ROBO1: variants seen among roughly 807,000 people sequenced by gnomAD.
ROBO1 encodes roundabout homolog 1.
ROBO1 carries 149 observed loss-of-function variants against 195.9 expected under a neutral mutation model. The observed-to-expected ratio is 0.76, with a 90% confidence interval of 0.67 to 0.87. The LOEUF (loss-of-function observed/expected upper bound fraction) is 0.87, where lower values mean the gene tolerates loss of function less well. Ranked by LOEUF, ROBO1 falls within the 40% of genes least tolerant of loss-of-function variation. ROBO1 has a pLI of 0.00. For synonymous variants in ROBO1, 816 were observed against 733.2 expected (o/e 1.11, Z -1.82); for missense variants, 1,933 against 2,068.3 (o/e 0.93, Z 1.27).
chr3:79,594,267 G>A (rs1480243088), intron 1 of ROBO1, among the ~76,000 whole-genome samples: 1 of 151,904 alleles, frequency 6.6e-6, no homozygotes, highest in Non-Finnish European at 1.5e-5. Flanking sequence ...AACTGTATTT[G>A]TATGTTCTCT....
intron 14 of ROBO1, among the ~76,000 whole-genome samples, chr3:78,666,583 C>A (rs1280361684): frequency 1.3e-5 from 2 of 152,128 alleles, no homozygotes; most frequent in African/African-American, 4.8e-5. Flanking sequence ...CCTCAGACTG[C>A]CTTAAGGCAG....
chr3:79,646,604 A>C lies in ROBO1; in HGVS notation c.-50-56643T>G, dbSNP rs186225691. Among the ~76,000 whole-genome samples the C allele has an allele frequency of 2.6e-3, 390 of 152,288 alleles. 1 individual carries two copies. The highest frequency in any genetic ancestry group is 7.7e-3 in the African/African-American group (321 of 41,580). ...GTCAGTACATTGCAGAGACATCTGC[A>C]CTCCCATGCTTATGGCAGCATTATT... On this transcript the variant is annotated intron_variant, in intron 1 of 30. Transcript: ENST00000464233.
At chr3:79,099,577 A>G (rs1363462135) in intron 3 of ROBO1, among the ~76,000 whole-genome samples, 3 of 151,800 alleles carry the variant, frequency 2.0e-5, no homozygotes, top group Non-Finnish European at 2.9e-5. Flanking sequence ...TTGTAGCTCA[A>G]TGGAAAAAAA....
intron 3 of ROBO1, among the ~76,000 whole-genome samples, chr3:79,117,610 T>A (rs926462599): frequency 6.6e-6 from 1 of 152,186 alleles, no homozygotes; most frequent in Non-Finnish European, 1.5e-5. Flanking sequence ...GAAATCTTAC[T>A]TTTGCTTGTT....
At chr3:78,966,369 A>G (rs1205045480) in intron 3 of ROBO1, among the ~76,000 whole-genome samples, 1 of 152,240 alleles carries the variant, frequency 6.6e-6, no homozygotes, top group Non-Finnish European at 1.5e-5. Context: ...GGTATACATT[A>G]CAATGAAAAT....
At chr3:78,832,247 A>C (rs905992116) in intron 4 of ROBO1, among the ~76,000 whole-genome samples, 2 of 152,142 alleles carry the variant, frequency 1.3e-5, no homozygotes, top group African/African-American at 4.8e-5. Flanking sequence ...CACACATCTT[A>C]AATTGCTGGT....
At chr3:79,326,325 C>T (rs756856113) in intron 2 of ROBO1, among the ~76,000 whole-genome samples, 4 of 152,120 alleles carry the variant, frequency 2.6e-5, no homozygotes, top group Non-Finnish European at 5.9e-5. Context: ...TTTTGAAAAT[C>T]CGTAATAAAA....
chr3:78,887,498 A>C (rs2036635883), intron 4 of ROBO1, among the ~76,000 whole-genome samples: 1 of 152,230 alleles, frequency 6.6e-6, no homozygotes, highest in Admixed American at 6.5e-5. Flanking sequence ...AGCATGAGCT[A>C]AATTTCATCA....
At chr3:79,507,938 A>G (rs2107529191) in intron 2 of ROBO1, 1 of 154,468 alleles carries the variant, frequency 6.5e-6, no homozygotes, top group African/African-American at 2.4e-5. Flanking sequence ...AGAAGAGGAA[A>G]CTAGTAATGT....
chr3:79,485,228 C>T (rs572161964), intron 2 of ROBO1, among the ~76,000 whole-genome samples: 1 of 152,028 alleles, frequency 6.6e-6, no homozygotes, highest in African/African-American at 2.4e-5. Context: ...TAAAATAAGA[C>T]ATTTTATTAA....
chr3:78,927,155 G>C (rs1013214357), intron 4 of ROBO1, among the ~76,000 whole-genome samples: 17 of 152,126 alleles, frequency 1.1e-4, no homozygotes, highest in African/African-American at 3.9e-4. Flanking sequence ...GAAAATGTCG[G>C]TAAAGCTCCA....
intron 4 of ROBO1, among the ~76,000 whole-genome samples, chr3:78,917,317 G>A (rs1355226798): frequency 6.6e-6 from 1 of 151,674 alleles, no homozygotes; most frequent in Admixed American, 6.6e-5. Flanking sequence ...GGATGGTCTC[G>A]ACCTCCTGAC....
chr3:79,126,717 T>C (rs1455833), intron 2 of ROBO1, among the ~76,000 whole-genome samples: 113,730 of 152,082 alleles, frequency 0.75, 42,587 homozygotes, highest in East Asian at 0.8. Context: ...GATGTTTACT[T>C]GGGGAACAGT....
intron 2 of ROBO1, among the ~76,000 whole-genome samples, chr3:79,251,717 T>C (rs1446554994): frequency 6.6e-6 from 1 of 151,994 alleles, no homozygotes; most frequent in Non-Finnish European, 1.5e-5. Context: ...ACCACTGCAC[T>C]CCAGCCTGGG....
In ROBO1 at chr3:78,631,305, C is replaced by T; in HGVS notation, c.3482G>A (p.Gly1161Glu). 3 of 1,612,248 alleles carry T rather than the reference C, an allele frequency of 1.9e-6. No homozygotes were observed. Among genetic ancestry groups the T allele is most frequent in the South Asian group, 1.1e-5 (1 of 90,900 alleles). Residue 1161 changes from glycine to glutamate, a missense_variant and splice_region_variant, in exon 25 of 31, where the codon GGG (glycine) becomes GAG (glutamate). By Grantham distance (98) the Gly-to-Glu change is moderately conservative (BLOSUM62 -2). Coordinates refer to ENST00000464233, the MANE Select transcript of ROBO1 (RefSeq NM_002941.4). The stretch of plus-strand genomic sequence containing the variant: ...TGCCCCTTTCTTGTGCCCCTGACTC[C>T]CTAGAAAGGAAATAAAATAGAAGCC... Reference protein sequence around the residue: ...NSSDRGSSTSGSQGHKKGART... With the variant: ...NSSDRGSSTSESQGHKKGART...
intron 2 of ROBO1, among the ~76,000 whole-genome samples, chr3:79,305,433 G>A (rs1017813806): frequency 7.2e-6 from 1 of 139,060 alleles, no homozygotes; most frequent in Non-Finnish European, 1.5e-5. Context: ...GTTGCAGTGA[G>A]CCAAGATTGA....
At chr3:79,151,082 G>A (rs1020996713) in intron 2 of ROBO1, among the ~76,000 whole-genome samples, 7 of 151,704 alleles carry the variant, frequency 4.6e-5, no homozygotes, top group Non-Finnish European at 8.8e-5. Flanking sequence ...TTATAAATGG[G>A]AGTTCCCCTG....
At chr3:79,106,231 T>C (rs2079777122) in intron 3 of ROBO1, among the ~76,000 whole-genome samples, 1 of 151,762 alleles carries the variant, frequency 6.6e-6, no homozygotes, top group Admixed American at 6.6e-5. Context: ...TTAAGAGGTT[T>C]CTAAAAGCCT....
At chr3:79,071,738 A>G (rs2061172) in intron 3 of ROBO1, among the ~76,000 whole-genome samples, 101,719 of 149,766 alleles carry the variant, frequency 0.68, 36,197 homozygotes, top group South Asian at 0.83. Flanking sequence ...ACACACACAC[A>G]CGCACACACA....
Sources: gnomAD v4.1 joint callset for allele counts (sites outside exome capture counted in the v4.1 genomes callset) on GRCh38, gnomAD v4.1.1 for gene constraint, MANE v1.5 for transcripts, NCBI Gene and HGNC (gene_info 2026-07-23, HGNC 2026-07-21) for gene names.